ZNRF3: variants seen among roughly 807,000 people sequenced by gnomAD.
ZNRF3 encodes the protein E3 ubiquitin-protein ligase ZNRF3.
Under a neutral mutation model 72.5 loss-of-function variants are expected in ZNRF3, and 23 were observed. The observed-to-expected ratio is 0.32, with a 90% CI of 0.23 to 0.45. ZNRF3 has a LOEUF of 0.45. ZNRF3 is among the 20% of genes least tolerant of loss of function. The probability of loss-of-function intolerance (pLI) is 1.00; values close to 1 mark genes in which losing one functional copy is unlikely to be tolerated. For missense variants in ZNRF3, 1,169 were observed against 1,272.1 expected (o/e 0.92, Z 1.23); for synonymous variants, 610 against 545.3 (o/e 1.12, Z -1.65).
intron 2 of ZNRF3, among the ~76,000 whole-genome samples, chr22:29,021,050 C>T (rs904001892): frequency 1.4e-4 from 22 of 152,064 alleles, no homozygotes; most frequent in Middle Eastern, 3.4e-3. Context: ...CCCACCTCGG[C>T]CTTCCAAAGT....
At chr22:29,021,215 C>T (rs761641937) in intron 2 of ZNRF3, among the ~76,000 whole-genome samples, 53 of 151,442 alleles carry the variant, frequency 3.5e-4, no homozygotes, top group South Asian at 2.3e-3. Flanking sequence ...GCTGGGGAAA[C>T]GAGCGAAACT....
At chr22:28,943,050 G>A (rs1296526720) in intron 1 of ZNRF3, among the ~76,000 whole-genome samples, 2 of 152,160 alleles carry the variant, frequency 1.3e-5, no homozygotes, top group African/African-American at 4.8e-5. Context: ...TAAAAGGTAT[G>A]TTCAGAAAAT....
chr22:29,022,653 G>A (rs968864044), intron 2 of ZNRF3, among the ~76,000 whole-genome samples: 6 of 152,204 alleles, frequency 3.9e-5, no homozygotes, highest in Non-Finnish European at 5.9e-5. Flanking sequence ...TCTGAGTTAC[G>A]CAGATGTCCT....
intron 1 of ZNRF3, chr22:28,917,265 TAAA>T (rs2034422593): frequency 1.1e-5 from 1 of 89,264 alleles, no homozygotes; most frequent in Non-Finnish European, 1.7e-5. Context: ...TGGTTGGGGA[TAAA>T]ACACACACAC....
At chr22:29,014,573 T>C (rs923369908) in intron 2 of ZNRF3, among the ~76,000 whole-genome samples, 1 of 152,234 alleles carries the variant, frequency 6.6e-6, no homozygotes, top group Non-Finnish European at 1.5e-5. Flanking sequence ...TGCAGTGAGC[T>C]TGACTAAGTA....
At chr22:28,891,654 G>T (rs1601528204) in intron 1 of ZNRF3, among the ~76,000 whole-genome samples, 1 of 152,304 alleles carries the variant, frequency 6.6e-6, no homozygotes, top group South Asian at 2.1e-4. Flanking sequence ...AGCCATTTCT[G>T]TTTTCACAAG....
At chr22:29,003,830 C>CAA (rs201083162) in intron 2 of ZNRF3, among the ~76,000 whole-genome samples, 1 of 150,768 alleles carries the variant, frequency 6.6e-6, no homozygotes, top group Non-Finnish European at 1.5e-5. Context: ...GACCCTGTCT[C>CAA]AAAAAAAAAG....
chr22:29,011,986 G>A (rs1353030096), intron 2 of ZNRF3, among the ~76,000 whole-genome samples: 1 of 152,182 alleles, frequency 6.6e-6, no homozygotes, highest in South Asian at 2.1e-4. Flanking sequence ...CACCACAGCC[G>A]GGGGACCCTG....
rs150905104 is a variant in ZNRF3, at chr22:29,019,842, G to A, written c.427-22653G>A. 5.7e-3 allele frequency among the ~76,000 whole-genome samples: 869 copies of A among 152,300 alleles called. 14 individuals carry two copies. Among genetic ancestry groups the A allele is most frequent in the African/African-American group, 0.02 (838 of 41,558 alleles). On this transcript the variant is annotated intron_variant, in intron 2 of 8. Transcript: ENST00000544604. Reference sequence around the variant, plus strand: ...CTTGCCCGAGGATATCAGTAAGTGTGATAGAACCAGAAATAGGAAATAGGG... The same window carrying A: ...CTTGCCCGAGGATATCAGTAAGTGTAATAGAACCAGAAATAGGAAATAGGG...
At chr22:28,965,134 C>G (rs1242909722) in intron 1 of ZNRF3, among the ~76,000 whole-genome samples, 2 of 152,206 alleles carry the variant, frequency 1.3e-5, no homozygotes, top group African/African-American at 4.8e-5. Flanking sequence ...CCAGTGCCAC[C>G]TGGCTCAGCC....
intron 1 of ZNRF3, among the ~76,000 whole-genome samples, chr22:28,887,233 A>T (rs202135556): frequency 1.4e-3 from 99 of 72,878 alleles, no homozygotes; most frequent in African/African-American, 6.1e-3. Flanking sequence ...AGAGAGAGAG[A>T]GAGTGTGTGT....
chr22:29,043,134 C>T (rs752574000), intron 3 of ZNRF3, among the ~76,000 whole-genome samples, 165 bp from the exon 4 acceptor site: 1 of 152,068 alleles, frequency 6.6e-6, no homozygotes, highest in African/African-American at 2.4e-5. Context: ...CCAAAACAAG[C>T]GTCATTCTCA....
chr22:28,921,305 A>C (rs912800818), intron 1 of ZNRF3, among the ~76,000 whole-genome samples: 7 of 151,802 alleles, frequency 4.6e-5, no homozygotes, highest in African/African-American at 1.7e-4. Flanking sequence ...TCCCCTTCAC[A>C]AACCTTTCAG....
In ZNRF3 at chr22:28,931,352, A is replaced by C. The variant is rs1023275854; in HGVS notation, c.300+47286A>C. On this transcript the variant is annotated intron_variant, in intron 1 of 8. Coordinates refer to ENST00000544604, the MANE Select transcript of ZNRF3 (RefSeq NM_001206998.2). ...AAACTGAACCTGTGTAAAATGGAGC[A>C]GATCCAATTGCTCTTTGTAACCTTG... is the stretch of plus-strand genomic sequence containing the variant. Among the ~76,000 whole-genome samples the C allele has an allele frequency of 2.0e-5, 3 of 152,294 alleles. No individual in the cohort carries two copies. In the East Asian group the frequency reaches 5.8e-4, roughly 29 times the overall value.
intron 2 of ZNRF3, among the ~76,000 whole-genome samples, chr22:29,014,857 C>T (rs2036406531): frequency 6.6e-6 from 1 of 152,196 alleles, no homozygotes; most frequent in Non-Finnish European, 1.5e-5. Context: ...GGGCTTTTCT[C>T]TGCATAGGCT....
intron 2 of ZNRF3, among the ~76,000 whole-genome samples, chr22:28,994,418 A>C (rs1015544847): frequency 6.6e-6 from 1 of 150,400 alleles, no homozygotes; most frequent in Non-Finnish European, 1.5e-5. Flanking sequence ...GCTGGTCTCA[A>C]ACTCAGGTGA....
chr22:28,974,098 C>T (rs1488545675), intron 1 of ZNRF3, among the ~76,000 whole-genome samples: 1 of 152,004 alleles, frequency 6.6e-6, no homozygotes, highest in Non-Finnish European at 1.5e-5. Context: ...GCTGGGACTA[C>T]AGGCACCCAC....
intron 1 of ZNRF3, among the ~76,000 whole-genome samples, chr22:28,948,853 C>T (rs1241480769): frequency 3.9e-5 from 6 of 152,194 alleles, no homozygotes; most frequent in African/African-American, 1.4e-4. Context: ...GGATCTTTTA[C>T]TAATGAATGA....
chr22:28,939,847 C>T (rs1211095568), intron 1 of ZNRF3, among the ~76,000 whole-genome samples: 1 of 152,172 alleles, frequency 6.6e-6, no homozygotes, highest in African/African-American at 2.4e-5. Flanking sequence ...TCCAACCATC[C>T]TTCCCCCACT....
Sources: gnomAD v4.1 joint callset for allele counts (sites outside exome capture counted in the v4.1 genomes callset) on GRCh38, gnomAD v4.1.1 for gene constraint, MANE v1.5 for transcripts, NCBI Gene and HGNC (gene_info 2026-07-23, HGNC 2026-07-21) for gene names.